The following EPPIN variants were observed in gnomAD, a reference collection of about 807,000 sequenced individuals.
The protein encoded by EPPIN is epididymal peptidase inhibitor, also known as WAP four-disulfide core domain protein 7.
Under a neutral mutation model 18.8 loss-of-function variants are expected in EPPIN, and 14 were observed. The observed-to-expected ratio is 0.75, with a 90% CI of 0.49 to 1.17. The LOEUF is 1.17. EPPIN is among the 50% of genes most tolerant of loss of function. The probability of loss-of-function intolerance (pLI) is 0.00; values close to 1 mark genes in which losing one functional copy is unlikely to be tolerated. For synonymous variants in EPPIN, 57 were observed against 54.8 expected, an observed-to-expected ratio of 1.04 and a Z score of -0.18; for missense variants, 143 against 154.2, an observed-to-expected ratio of 0.93 and a Z score of 0.39.
intron 2 of EPPIN, chr20:45,544,886 T>C (rs1468847170): frequency 2.6e-5 from 4 of 152,154 alleles, no homozygotes; most frequent in African/African-American, 9.7e-5. Context: ...TCACTCTGCG[T>C]TCTGGACTCC....
At chr20:45,543,825 C>T (rs1347746963) in intron 2 of EPPIN, 3 of 152,948 alleles carry the variant, frequency 2.0e-5, no homozygotes, top group East Asian at 3.8e-4. Context: ...CCGCAGAACC[C>T]CTTTGAGCCA....
At chr20:45,547,128 A>T in intron 1 of EPPIN, 139 bp downstream of exon 1, 1 of 1,232,360 alleles carries the variant, frequency 8.1e-7, no homozygotes, top group Non-Finnish European at 1.1e-6. Context: ...GAGGGATCTT[A>T]CAAATATCTC....
chr20:45,545,598 G>A, intron 2 of EPPIN, 41 bp downstream of exon 2: 1 of 1,613,198 alleles, frequency 6.2e-7, no homozygotes, highest in Non-Finnish European at 8.5e-7. Context: ...GGTGAGGACA[G>A]GGGGAGGAGG....
intron 1 of EPPIN, 145 bp downstream of exon 1, chr20:45,547,122 G>C: frequency 8.6e-7 from 1 of 1,162,702 alleles, no homozygotes; most frequent in Non-Finnish European, 1.2e-6. Flanking sequence ...ACACAGGAGG[G>C]ATCTTACAAA....
At chr20:45,545,269 G>C (rs1286890141) in intron 2 of EPPIN, 1 of 232,148 alleles carries the variant, frequency 4.3e-6, no homozygotes, top group Admixed American at 5.2e-5. Flanking sequence ...TAGCAAAAAA[G>C]TTGGGAAATA....
In EPPIN at chr20:45,545,662, T is replaced by A; in HGVS notation, c.200A>T (p.Lys67Ile). 1 of 1,614,100 alleles carries A rather than the reference T, an allele frequency of 6.2e-7. No homozygotes were observed. The highest frequency in any genetic ancestry group is 1.1e-5 in the South Asian group (1 of 91,080). ...ACCTTGTTTGAGATCTAAACATTTT[T>A]TTCCGCAGCTGAAGACACAACACTT... ...NKKCCVFSCG[K>I]KCLDLKQDVC... is the part of the protein sequence containing the mutation. Residue 67 changes from lysine to isoleucine, a missense_variant, in exon 2 of 4, where the codon AAA (lysine) becomes ATA (isoleucine). Coordinates refer to ENST00000354280, the MANE Select transcript of EPPIN (RefSeq NM_020398.4).
intron 2 of EPPIN, chr20:45,543,148 T>C: frequency 3.0e-6 from 1 of 334,026 alleles, no homozygotes; most frequent in Non-Finnish European, 5.4e-6. Context: ...ACTGGTGTCC[T>C]TATACAAACA....
intron 1 of EPPIN, 34 bp downstream of exon 1, chr20:45,547,231 CCT>C (rs757772604): frequency 6.2e-7 from 1 of 1,612,850 alleles, no homozygotes; most frequent in Admixed American, 1.7e-5. Flanking sequence ...AGCAAACTCC[CCT>C]CTCTCTAGGG....
intron 1 of EPPIN, 69 bp from the exon 2 acceptor site, chr20:45,545,839 A>G (rs1979807259): frequency 6.3e-7 from 1 of 1,587,762 alleles, no homozygotes; most frequent in Non-Finnish European, 8.6e-7. Flanking sequence ...TGCCAGACAC[A>G]AGGCAATTCT....
Position 45,542,852 on chromosome 20 carries a change from G to A in EPPIN, c.239C>T (p.Pro80Leu), listed in dbSNP as rs1383561109. 1.2e-6 allele frequency: 2 copies of A among 1,613,150 alleles called. No homozygotes were observed. Among genetic ancestry groups the A allele is most frequent in the African/African-American group, 2.7e-5 (2 of 74,942 alleles). The change falls in exon 3 of 4, where the codon CCA (proline) becomes CTA (leucine). Residue 80 changes from proline to leucine, a missense_variant. Pro to Leu is a moderately conservative substitution (Grantham distance 98, BLOSUM62 -3). Coordinates refer to ENST00000354280, the MANE Select transcript of EPPIN (RefSeq NM_020398.4). ...AGCCAGGCAGGGGCCAGTTTCTTTTGGCATTTCGCATACATCTGCAGAGAG... is the reference window on the plus strand; with the variant it reads ...AGCCAGGCAGGGGCCAGTTTCTTTTAGCATTTCGCATACATCTGCAGAGAG... The part of the protein sequence containing the change: ...LDLKQDVCEM[P>L]KETGPCLAYF...
intron 1 of EPPIN, 102 bp downstream of exon 1, chr20:45,547,165 C>T (rs1979867703): frequency 9.1e-6 from 14 of 1,534,718 alleles, no homozygotes; most frequent in Non-Finnish European, 1.2e-5. Flanking sequence ...GGGACCTGGG[C>T]TAAGATGGTG....
At chr20:45,542,529 A>C in intron 3 of EPPIN, 171 bp downstream of exon 3, 1 of 974,548 alleles carries the variant, frequency 1.0e-6, no homozygotes, top group Non-Finnish European at 1.5e-6. Flanking sequence ...CATACTCAGA[A>C]AGTAACTTTG....
In EPPIN at chr20:45,547,377, T is replaced by C; in HGVS notation, c.-20A>G. On this transcript the variant is annotated 5_prime_UTR_variant, in exon 1 of 4. Transcript: ENST00000354280. ...TCCCATGTTGAAGAGAGGCCAGCCT[T>C]TCTGGTGGTTCCCGAATTTGGAATG... 1 of 1,612,956 alleles carries C rather than the reference T, an allele frequency of 6.2e-7. No homozygotes were observed. The highest frequency in any genetic ancestry group is 8.5e-7 in the Non-Finnish European group (1 of 1,179,774).
intron 3 of EPPIN, 172 bp from the exon 4 acceptor site, chr20:45,542,326 A>G (rs1979629509): frequency 4.7e-6 from 4 of 856,416 alleles, no homozygotes; most frequent in Non-Finnish European, 7.1e-6. Flanking sequence ...AATCGCTGCC[A>G]AAGAGTTGTG....
chr20:45,542,334 G>A, intron 3 of EPPIN, 180 bp from the exon 4 acceptor site: 1 of 799,418 alleles, frequency 1.3e-6, no homozygotes, highest in Non-Finnish European at 1.9e-6. Flanking sequence ...CCAAAGAGTT[G>A]TGTTGAGACA....
At chr20:45,547,039 G>A (rs939788062) in intron 1 of EPPIN, among the ~76,000 whole-genome samples, 3 of 152,068 alleles carry the variant, frequency 2.0e-5, no homozygotes, top group African/African-American at 7.2e-5. Flanking sequence ...GCTTGATAAA[G>A]ACCCTCCACT....
In EPPIN at chr20:45,545,693, T is replaced by C; in HGVS notation, c.169A>G (p.Asn57Asp). The C allele has an allele frequency of 6.2e-7, 1 of 1,614,128 alleles. No individual in the cohort carries two copies. The highest frequency in any genetic ancestry group is 8.5e-7 in the Non-Finnish European group (1 of 1,179,960). Residue 57 changes from asparagine to aspartate, a missense_variant, in exon 2 of 4, where the codon AAC (asparagine) becomes GAC (aspartate). Coordinates refer to ENST00000354280, the MANE Select transcript of EPPIN (RefSeq NM_020398.4). ...CAGCTGAAGACACAACACTTCTTGT[T>C]GTCCTGGCATTGTCTGTCCTTTGTA... ...VCTKDRQCQD[N>D]KKCCVFSCGK...
At chr20:45,547,115 C>T in intron 1 of EPPIN, 152 bp downstream of exon 1, 2 of 1,103,346 alleles carry the variant, frequency 1.8e-6, no homozygotes, top group Non-Finnish European at 2.5e-6. Context: ...GAATCTTACA[C>T]AGGAGGGATC....
chr20:45,545,600 G>C, intron 2 of EPPIN, 39 bp downstream of exon 2: 1 of 1,613,400 alleles, frequency 6.2e-7, no homozygotes, highest in South Asian at 1.1e-5. Flanking sequence ...TGAGGACAGG[G>C]GGAGGAGGGG....
Sources: allele counts gnomAD v4.1 joint callset (sites outside exome capture counted in the v4.1 genomes callset), GRCh38; gene constraint gnomAD v4.1.1; transcripts MANE v1.5; gene names NCBI Gene and HGNC (gene_info 2026-07-23, HGNC 2026-07-21).